CTSO: variants seen among roughly 807,000 people sequenced by gnomAD.
CTSO encodes cathepsin O.
Under a neutral mutation model 42.4 loss-of-function variants are expected in CTSO, and 40 were observed. The ratio of observed to expected loss-of-function variants is 0.94; its 90% CI spans 0.73 to 1.23. The LOEUF (loss-of-function observed/expected upper bound fraction) is 1.23. Ranked by LOEUF, CTSO falls within the 50% of genes most tolerant of loss-of-function variation. CTSO has a pLI of 0.00. For missense variants in CTSO, 441 were observed against 396.0 expected (o/e 1.11, Z -0.96); for synonymous variants, 156 against 146.2 (o/e 1.07, Z -0.48).
intron 1 of CTSO, among the ~76,000 whole-genome samples, chr4:155,950,879 T>C (rs936589584): frequency 6.7e-6 from 1 of 148,190 alleles, no homozygotes; most frequent in Non-Finnish European, 1.5e-5. Flanking sequence ...CGTGGAAAAA[T>C]TGTCTTCCAT....
At chr4:155,929,516 G>A (rs1411539165) in intron 6 of CTSO, 26 bp downstream of exon 6, 1 of 1,595,588 alleles carries the variant, frequency 6.3e-7, no homozygotes, top group Non-Finnish European at 8.5e-7. Context: ...CTGGAAAGCA[G>A]TCAACTGAGT....
chr4:155,939,841 A>G (rs1251007793), intron 3 of CTSO, among the ~76,000 whole-genome samples: 3 of 152,234 alleles, frequency 2.0e-5, no homozygotes, highest in Non-Finnish European at 4.4e-5. Flanking sequence ...ATCTTCTAAA[A>G]GACCATTCAG....
chr4:155,946,632 G>C (rs6816954), intron 1 of CTSO, among the ~76,000 whole-genome samples: 36,828 of 151,914 alleles, frequency 0.24, 4,719 homozygotes, highest in Middle Eastern at 0.42. Flanking sequence ...TGCTATTCTG[G>C]TGTAATGACT....
At chr4:155,939,559 G>T in intron 3 of CTSO, 21 bp from the exon 4 acceptor site, 2 of 1,584,748 alleles carry the variant, frequency 1.3e-6, no homozygotes, top group Non-Finnish European at 1.7e-6. Flanking sequence ...ACAGAAAAAG[G>T]GGTGGTATTT....
chr4:155,943,132 C>A, intron 2 of CTSO, 24 bp downstream of exon 2: 2 of 1,396,670 alleles, frequency 1.4e-6, no homozygotes, highest in Non-Finnish European at 1.0e-6. Context: ...AGGAAACCAC[C>A]TAAATAGCAA....
intron 1 of CTSO, 94 bp downstream of exon 1, chr4:155,953,619 A>G: frequency 8.2e-7 from 1 of 1,216,708 alleles, no homozygotes; most frequent in East Asian, 3.2e-5. Flanking sequence ...GCCCACGAGC[A>G]GGGTCAGCTC....
At position 155,937,515 on chromosome 4, in the gene CTSO, T is replaced by C. The variant is rs998377372; in HGVS notation, c.553-32A>G. ...GAAAACAATCACTGAACATGTTTAC[T>C]GTCAATTGTTTTATAAATCAAATAG... On this transcript the variant is annotated intron_variant, in intron 4 of 7. Coordinates refer to ENST00000433477, the MANE Select transcript of CTSO (RefSeq NM_001334.3). The C allele has an allele frequency of 2.5e-6, 4 of 1,601,344 alleles. No individual in the cohort carries two copies. In the African/African-American group the frequency reaches 4.0e-5, roughly 16 times the overall value.
At chr4:155,926,151 G>C (rs2110899305) in intron 7 of CTSO, 81 bp from the exon 8 acceptor site, 1 of 1,033,938 alleles carries the variant, frequency 9.7e-7, no homozygotes, top group East Asian at 2.6e-5. Flanking sequence ...TTTTTCATTT[G>C]GGTTCAGAAA....
In CTSO at chr4:155,924,369, A is replaced by C. The variant is rs1299964172; in HGVS notation, c.*1667T>G. On this transcript the variant is annotated 3_prime_UTR_variant, in exon 8 of 8. Coordinates refer to ENST00000433477, the MANE Select transcript of CTSO (RefSeq NM_001334.3). ...AAAAGGTCAATATCTGTCTTCCTGA[A>C]ATAACTCCAAACCTGAGTCAACACA... 1 of 152,190 alleles carries C rather than the reference A, an allele frequency of 6.6e-6. No individual in the cohort carries two copies. Among genetic ancestry groups the C allele is most frequent in the Admixed American group, 6.5e-5 (1 of 15,282 alleles). 9.4% of individuals were successfully genotyped at this position (152,190 alleles called of 1,614,324 possible).
At chr4:155,944,168 G>C (rs1257014398) in intron 1 of CTSO, among the ~76,000 whole-genome samples, 1 of 152,154 alleles carries the variant, frequency 6.6e-6, no homozygotes, top group Admixed American at 6.5e-5. Context: ...ATAGATCCTT[G>C]ATAAGTGTTT....
At chr4:155,953,660 G>C in intron 1 of CTSO, 53 bp downstream of exon 1, 1 of 1,235,560 alleles carries the variant, frequency 8.1e-7, no homozygotes. Context: ...CCCAGACCCG[G>C]GACAGGAAGT....
At chr4:155,933,681 T>C (rs1743274856) in intron 5 of CTSO, among the ~76,000 whole-genome samples, 1 of 152,136 alleles carries the variant, frequency 6.6e-6, no homozygotes, top group Non-Finnish European at 1.5e-5. Flanking sequence ...GATGAGAAAC[T>C]TGTGGGAAAT....
intron 1 of CTSO, among the ~76,000 whole-genome samples, chr4:155,952,585 C>T (rs1367076640): frequency 1.3e-5 from 2 of 152,134 alleles, no homozygotes; most frequent in Non-Finnish European, 2.9e-5. Flanking sequence ...AGTAAGAGGA[C>T]TTCTGGTTTT....
rs1050054129 is a variant in CTSO at position 155,953,793 on chromosome 4, C to T, written c.55G>A (p.Gly19Ser). ...LPWLLWLLCRGGGDADSRAPF... is the reference protein window; with the variant it reads ...LPWLLWLLCRSGGDADSRAPF... ...GCGCGGGAGTCCGCATCGCCGCCGC[C>T]CCGGCACAGCAGCCACAGCAGCCAC... Residue 19 changes from glycine to serine, a missense_variant, in exon 1 of 8, where the codon GGC (glycine) becomes AGC (serine). Coordinates refer to ENST00000433477, the MANE Select transcript of CTSO (RefSeq NM_001334.3). 23 of 1,347,470 alleles carry T rather than the reference C, an allele frequency of 1.7e-5. No homozygotes were observed. The highest frequency in any genetic ancestry group is 3.0e-5 in the African/African-American group (2 of 66,394). 83.5% of individuals were successfully genotyped at this position (1,347,470 alleles called of 1,614,324 possible).
chr4:155,929,811 C>A lies in CTSO; in HGVS notation c.675-106G>T, dbSNP rs572958089. ...TTCTGAGTAGGTTTGGTTGCAGTTA[C>A]AAAGGACCTAAACAATGGAAGCTAA... On this transcript the variant is annotated intron_variant, in intron 5 of 7. Coordinates refer to ENST00000433477, the MANE Select transcript of CTSO (RefSeq NM_001334.3). The A allele has an allele frequency of 1.3e-4, 141 of 1,050,922 alleles. 1 individual carries two copies. The South Asian group carries it at 2.3e-3, about 17-fold the overall frequency. 65.1% of individuals were successfully genotyped at this position (1,050,922 alleles called of 1,614,324 possible).
intron 1 of CTSO, among the ~76,000 whole-genome samples, chr4:155,950,607 T>A (rs1426711929): frequency 6.6e-6 from 1 of 152,198 alleles, no homozygotes; most frequent in African/African-American, 2.4e-5. Context: ...GGACCAGTAC[T>A]GTTCTGTGGC....
intron 5 of CTSO, among the ~76,000 whole-genome samples, chr4:155,931,781 C>T (rs1005546963): frequency 8.7e-5 from 13 of 150,064 alleles, no homozygotes; most frequent in South Asian, 2.1e-4. Flanking sequence ...AATAATAATT[C>T]GTTATTATTA....
intron 5 of CTSO, among the ~76,000 whole-genome samples, chr4:155,937,050 T>C (rs1055550025): frequency 3.9e-5 from 6 of 152,042 alleles, no homozygotes; most frequent in Non-Finnish European, 2.9e-5. Flanking sequence ...TATATATAAA[T>C]ATAAATTATG....
chr4:155,936,089 C>T (rs191477095), intron 5 of CTSO, among the ~76,000 whole-genome samples: 29 of 152,132 alleles, frequency 1.9e-4, no homozygotes, highest in African/African-American at 6.5e-4. Context: ...TTCCCTTATA[C>T]TCTCAAGGAA....
Sources: allele counts gnomAD v4.1 joint callset (sites outside exome capture counted in the v4.1 genomes callset), GRCh38; gene constraint gnomAD v4.1.1; transcripts MANE v1.5; gene names NCBI Gene and HGNC (gene_info 2026-07-23, HGNC 2026-07-21).